Variants in BPNT1 observed in about 807,000 individuals in gnomAD.
The protein encoded by BPNT1 is 3'(2'), 5'-bisphosphate nucleotidase 1.
In BPNT1, 28 loss-of-function variants were observed where a neutral mutation model predicts 36.9. The ratio of observed to expected loss-of-function variants is 0.76; its 90% confidence interval spans 0.56 to 1.04. BPNT1 has a LOEUF of 1.04. BPNT1 is among the 50% of genes least tolerant of loss of function. The pLI, the probability that BPNT1 is intolerant of heterozygous loss-of-function variation, is 0.00. For missense variants in BPNT1, 313 were observed against 372.9 expected, an observed-to-expected ratio of 0.84 and a Z score of 1.32; for synonymous variants, 119 against 130.9, an observed-to-expected ratio of 0.91 and a Z score of 0.62.
intron 3 of BPNT1, 128 bp downstream of exon 3, chr1:220,073,839 A>G: frequency 1.1e-6 from 1 of 871,490 alleles, no homozygotes; most frequent in East Asian, 2.6e-5. Context: ...TACAATAATT[A>G]CTTTTGTGTT....
In BPNT1 at chr1:220,073,055, ACTAGTTCTT is replaced by A. The variant is rs1224623230; in HGVS notation, c.226-107_226-99del. ...GAAGAAATGCAGCATCACAGTTTTC[ACTAGTTCTT>A]CTGGTTTACCATTTATATTTAGAGC... is the stretch of plus-strand genomic sequence containing the variant. On this transcript the variant is annotated intron_variant, in intron 3 of 8. Transcript: ENST00000322067. The A allele has an allele frequency of 7.8e-6, 8 of 1,025,562 alleles. No homozygotes were observed. In the Admixed American group the frequency reaches 7.8e-5, roughly 10 times the overall value. 63.5% of individuals were successfully genotyped at this position (1,025,562 alleles called of 1,614,324 possible). A position where few individuals can be genotyped will look rare whatever the true frequency, so the allele number is the denominator to read the frequency against.
At chr1:220,079,636 CT>C (rs1201643163) in intron 2 of BPNT1, 90 bp downstream of exon 2, 7 of 1,478,068 alleles carry the variant, frequency 4.7e-6, no homozygotes, top group Middle Eastern at 1.8e-4. Flanking sequence ...ATTATTTTAA[CT>C]GATAAAGTCT....
intron 2 of BPNT1, among the ~76,000 whole-genome samples, chr1:220,078,255 C>T (rs899622250): frequency 5.0e-5 from 7 of 140,508 alleles, no homozygotes; most frequent in South Asian, 4.4e-4. Flanking sequence ...TGAAAACTTA[C>T]GTGTAAAATT....
At chr1:220,086,628 T>C (rs933140611) in intron 1 of BPNT1, among the ~76,000 whole-genome samples, 1 of 150,944 alleles carries the variant, frequency 6.6e-6, no homozygotes, top group African/African-American at 2.4e-5. Context: ...CAGGCTGGAG[T>C]GCAGTGGCGA....
intron 1 of BPNT1, among the ~76,000 whole-genome samples, chr1:220,087,926 G>A (rs1655893797): frequency 6.6e-6 from 1 of 151,954 alleles, no homozygotes; most frequent in Admixed American, 6.5e-5. Flanking sequence ...TGCCCAGGCT[G>A]GAGTGCAATG....
At chr1:220,079,410 G>A (rs1054757732) in intron 2 of BPNT1, among the ~76,000 whole-genome samples, 1 of 151,986 alleles carries the variant, frequency 6.6e-6, no homozygotes, top group African/African-American at 2.4e-5. Context: ...TCGCCACCAC[G>A]CCTGGCTAAT....
chr1:220,075,614 T>C lies in BPNT1; in HGVS notation c.121-1543A>G, dbSNP rs1664473749. On this transcript the variant is annotated intron_variant, in intron 2 of 8. Transcript: ENST00000322067. ...CAATCAAGTTTGTAGACCACTGCGGTAGAGAAAAAAAAGACACATTGAAAG... is the reference window on the plus strand; with the variant it reads ...CAATCAAGTTTGTAGACCACTGCGGCAGAGAAAAAAAAGACACATTGAAAG... Among the ~76,000 whole-genome samples, 3 of 152,216 alleles carry C rather than the reference T, an allele frequency of 2.0e-5. No individual in the cohort carries two copies. The South Asian group carries it at 6.2e-4, about 32-fold the overall frequency.
intron 4 of BPNT1, among the ~76,000 whole-genome samples, chr1:220,070,623 A>G (rs905196138): frequency 6.6e-6 from 1 of 151,570 alleles, no homozygotes; most frequent in African/African-American, 2.4e-5. Flanking sequence ...CACCATGCCC[A>G]GCTAATTTTT....
intron 1 of BPNT1, among the ~76,000 whole-genome samples, chr1:220,086,583 A>G (rs924459352): frequency 3.3e-5 from 5 of 151,092 alleles, no homozygotes; most frequent in Non-Finnish European, 7.4e-5. Context: ...CTGAGTTGCT[A>G]AAGTTTTTCT....
At chr1:220,079,945 G>A in intron 1 of BPNT1, 91 bp from the exon 2 acceptor site, 1 of 1,335,322 alleles carries the variant, frequency 7.5e-7, no homozygotes, top group Non-Finnish European at 1.0e-6. Flanking sequence ...TATTAATTGA[G>A]TGCTAACTTG....
At chr1:220,086,372 A>G (rs1655724402) in intron 1 of BPNT1, among the ~76,000 whole-genome samples, 1 of 151,768 alleles carries the variant, frequency 6.6e-6, no homozygotes, top group Non-Finnish European at 1.5e-5. Context: ...CTAGAGTTCA[A>G]GCGATTCTCC....
intron 6 of BPNT1, among the ~76,000 whole-genome samples, chr1:220,063,758 G>A (rs2102643616): frequency 6.6e-6 from 1 of 152,274 alleles, no homozygotes; most frequent in South Asian, 2.1e-4. Flanking sequence ...TTGAAGAGTA[G>A]CCATGGATAA....
At chr1:220,085,961 A>C (rs1159867158) in intron 1 of BPNT1, among the ~76,000 whole-genome samples, 1 of 152,256 alleles carries the variant, frequency 6.6e-6, no homozygotes, top group Non-Finnish European at 1.5e-5. Flanking sequence ...GTTCCAAGTC[A>C]AAATACTAAA....
intron 5 of BPNT1, among the ~76,000 whole-genome samples, chr1:220,068,684 G>A (rs1663768343): frequency 6.6e-6 from 1 of 151,988 alleles, no homozygotes; most frequent in Non-Finnish European, 1.5e-5. Flanking sequence ...GGTGGCAGGT[G>A]CCTGTAATCC....
intron 2 of BPNT1, 130 bp downstream of exon 2, chr1:220,079,597 G>A (rs761407002): frequency 1.0e-4 from 114 of 1,128,996 alleles, no homozygotes; most frequent in South Asian, 2.1e-4. Flanking sequence ...AGAACCAAGC[G>A]TCTTGCAGTC....
At chr1:220,063,003 C>G (rs777591805) in intron 6 of BPNT1, 49 bp from the exon 7 acceptor site, 1 of 1,564,230 alleles carries the variant, frequency 6.4e-7, no homozygotes, top group Non-Finnish European at 8.8e-7. Context: ...TGGAGAAGAA[C>G]GTTAGCCCAT....
Position 220,062,872 on chromosome 1 carries a change from G to A in BPNT1, c.557C>T (p.Pro186Leu). 6.2e-7 allele frequency: 1 copy of A among 1,614,092 alleles called. No individual in the cohort carries two copies. Among genetic ancestry groups the A allele is most frequent in the Non-Finnish European group, 8.5e-7 (1 of 1,180,016 alleles). Reference sequence around the variant, plus strand: ...AGTTGTGATAATGTGTTTCCCAGCAGGGACTTCTTTCAGCTGAAACCCAAA... The same window carrying A: ...AGTTGTGATAATGTGTTTCCCAGCAAGGACTTCTTTCAGCTGAAACCCAAA... ...GAFGFQLKEVPAGKHIITTTR... is the reference protein window; with the variant it reads ...GAFGFQLKEVLAGKHIITTTR... The change falls in exon 7 of 9, where the codon CCT (proline) becomes CTT (leucine). Residue 186 changes from proline to leucine, a missense_variant. Coordinates refer to ENST00000322067, the MANE Select transcript of BPNT1 (RefSeq NM_006085.6).
At position 220,057,683 on chromosome 1, in the gene BPNT1, T is replaced by A. The variant is rs1019650918; in HGVS notation, c.*1161A>T. 1 of 420,162 alleles carries A rather than the reference T, an allele frequency of 2.4e-6. No individual in the cohort carries two copies. Among genetic ancestry groups the A allele is most frequent in the Non-Finnish European group, 4.5e-6 (1 of 223,864 alleles). 26.0% of individuals were successfully genotyped at this position (420,162 alleles called of 1,614,324 possible). A position where few individuals can be genotyped will look rare whatever the true frequency, so the allele number is the denominator to read the frequency against. ...ACTAATCCCCAAAGTCGAGAATGTA[T>A]AATTTTCAAACACTTTTTTAAAAAG... is the stretch of plus-strand genomic sequence containing the variant. On this transcript the variant is annotated 3_prime_UTR_variant, in exon 9 of 9. Transcript: ENST00000322067.
intron 1 of BPNT1, among the ~76,000 whole-genome samples, chr1:220,088,998 G>A (rs1656035797): frequency 6.6e-6 from 1 of 150,936 alleles, no homozygotes; most frequent in Non-Finnish European, 1.5e-5. Context: ...CTACTCGGGA[G>A]GCTGAGGCAG....
Sources: allele counts gnomAD v4.1 joint callset (sites outside exome capture counted in the v4.1 genomes callset), GRCh38; gene constraint gnomAD v4.1.1; transcripts MANE v1.5; gene names NCBI Gene and HGNC (gene_info 2026-07-23, HGNC 2026-07-21).